ARHGAP8: variants seen among roughly 807,000 people sequenced by gnomAD.
The protein encoded by ARHGAP8 is rho GTPase-activating protein 8.
Under a neutral mutation model 46.1 loss-of-function variants are expected in ARHGAP8, and 62 were observed. That is an observed-to-expected ratio of 1.34 (90% confidence interval 1.10 to 1.66). ARHGAP8 has a LOEUF of 1.66. Among genes scored for constraint, ARHGAP8 ranks in the 40% most tolerant of loss-of-function variants. The pLI is 0.00. For missense variants in ARHGAP8, 923 were observed against 568.4 expected, an observed-to-expected ratio of 1.62 and a Z score of -6.34; for synonymous variants, 375 against 243.1, an observed-to-expected ratio of 1.54 and a Z score of -5.05.
At chr22:44,832,013 T>C (rs559030798) in intron 7 of ARHGAP8, among the ~76,000 whole-genome samples, 3 of 152,292 alleles carry the variant, frequency 2.0e-5, no homozygotes, top group East Asian at 1.9e-4. Flanking sequence ...GGGATTTCAA[T>C]AGGGCTTGTC....
chr22:44,798,065 C>T (rs1294053935), intron 2 of ARHGAP8, among the ~76,000 whole-genome samples: 2 of 151,648 alleles, frequency 1.3e-5, no homozygotes, highest in Non-Finnish European at 2.9e-5. Context: ...CAACCTCCAC[C>T]TCCCGAGTTC....
intron 1 of ARHGAP8, among the ~76,000 whole-genome samples, chr22:44,781,643 C>T (rs1238925496): frequency 1.3e-5 from 2 of 152,010 alleles, no homozygotes; most frequent in Admixed American, 6.6e-5. Flanking sequence ...CCTGCCTCAG[C>T]CCCCAAGTAG....
At chr22:44,824,935 G>T (rs1164181677) in intron 6 of ARHGAP8, among the ~76,000 whole-genome samples, 1 of 151,992 alleles carries the variant, frequency 6.6e-6, no homozygotes, top group African/African-American at 2.4e-5. Context: ...GCCGAGCACA[G>T]AGGTTCTTTT....
intron 1 of ARHGAP8, among the ~76,000 whole-genome samples, chr22:44,753,612 T>C (rs1368156104): frequency 3.0e-5 from 1 of 33,130 alleles, no homozygotes; most frequent in Non-Finnish European, 8.0e-5. Context: ...CTCAATCCTG[T>C]GGGGGGTGGG....
At chr22:44,771,859 A>G (rs1472285455) in intron 1 of ARHGAP8, among the ~76,000 whole-genome samples, 1 of 152,082 alleles carries the variant, frequency 6.6e-6, no homozygotes, top group African/African-American at 2.4e-5. Flanking sequence ...CTGGCCTGCA[A>G]ATAAATTTTT....
rs1927232909 is a variant in ARHGAP8, at chr22:44,786,345, A to T, written c.-71-112A>T. On this transcript the variant is annotated intron_variant, in intron 1 of 11. Coordinates refer to ENST00000356099, the MANE Select transcript of ARHGAP8 (RefSeq NM_181335.3). ...GGTGCACGGCTGAGGTAGGGCGCGT[A>T]GTGGGTGTGCAGCAGAGGTGGGTGA... 2.2e-6 allele frequency: 3 copies of T among 1,391,082 alleles called. No individual in the cohort carries two copies. The East Asian group carries it at 7.5e-5, about 35-fold the overall frequency. 86.2% of individuals were successfully genotyped at this position (1,391,082 alleles called of 1,614,324 possible). A position where few individuals can be genotyped will look rare whatever the true frequency, so the allele number is the denominator to read the frequency against.
chr22:44,776,179 A>C (rs1602158901), intron 1 of ARHGAP8, among the ~76,000 whole-genome samples: 1 of 152,138 alleles, frequency 6.6e-6, no homozygotes. Context: ...AGCCAGGCGC[A>C]GTGGCTCACA....
chr22:44,796,113 C>T (rs1192427710), intron 2 of ARHGAP8, among the ~76,000 whole-genome samples: 1 of 152,206 alleles, frequency 6.6e-6, no homozygotes, highest in African/African-American at 2.4e-5. Flanking sequence ...GTCCCAGTAG[C>T]CCAGGGAAGC....
intron 7 of ARHGAP8, among the ~76,000 whole-genome samples, chr22:44,836,869 T>TG (rs1354862370): frequency 6.6e-6 from 1 of 151,956 alleles, no homozygotes; most frequent in Non-Finnish European, 1.5e-5. Flanking sequence ...GTTTCTTTCT[T>TG]TCTTGTTTTG....
At chr22:44,770,972 G>GT (rs1413056240) in intron 1 of ARHGAP8, among the ~76,000 whole-genome samples, 1 of 152,214 alleles carries the variant, frequency 6.6e-6, no homozygotes, top group Admixed American at 6.5e-5. Context: ...CAGTTTGGAA[G>GT]TTAAAGGCAA....
chr22:44,861,914 TCA>T (rs765708499), intron 11 of ARHGAP8, among the ~76,000 whole-genome samples: 46 of 152,116 alleles, frequency 3.0e-4, no homozygotes, highest in South Asian at 1.5e-3. Context: ...AGTTCGCCAC[TCA>T]CAGAGCCGAG....
chr22:44,846,598 G>A (rs994345844), intron 8 of ARHGAP8, among the ~76,000 whole-genome samples: 7 of 152,268 alleles, frequency 4.6e-5, no homozygotes, highest in African/African-American at 9.6e-5. Context: ...GCCTGTCCCC[G>A]GCCTGGACTG....
In ARHGAP8 at chr22:44,772,809, C is replaced by CTTTT. The variant is rs5845668; in HGVS notation, c.-71-13631_-71-13628dup. ...CTTTGAATTTATTTTCTCTCTCCCACTTTTTTTTTTTTTTTTTTTTGAGAC... is the reference window on the plus strand; with the variant it reads ...CTTTGAATTTATTTTCTCTCTCCCACTTTTTTTTTTTTTTTTTTTTTTTTGAGAC... On this transcript the variant is annotated intron_variant, in intron 1 of 11. Coordinates refer to ENST00000356099, the MANE Select transcript of ARHGAP8 (RefSeq NM_181335.3). Among the ~76,000 whole-genome samples the CTTTT allele has an allele frequency of 6.2e-5, 7 of 113,004 alleles. 1 individual carries two copies. Among genetic ancestry groups the CTTTT allele is most frequent in the Non-Finnish European group, 1.0e-4 (6 of 58,012 alleles). 74.1% of individuals were successfully genotyped at this position (113,004 alleles called of 152,430 possible).
Position 44,845,341 on chromosome 22 carries a change from A to T in ARHGAP8, c.669A>T (p.Lys223Asn). 6.2e-7 allele frequency: 1 copy of T among 1,614,050 alleles called. No individual in the cohort carries two copies. The highest frequency in any genetic ancestry group is 8.5e-7 in the Non-Finnish European group (1 of 1,179,976). The change falls in exon 8 of 12, where the codon AAA becomes AAT. Residue 223 changes from lysine (K) to asparagine (N), a missense_variant and splice_region_variant. Physicochemically the swap from Lys to Asn is moderately conservative, Grantham distance 94 (BLOSUM62 0). Coordinates refer to ENST00000356099, the MANE Select transcript of ARHGAP8 (RefSeq NM_181335.3). ...LRFTVTYLRE[K>N]GLRTEGLFRR... ...TCACAGTGACGTACCTGAGAGAGAAAGGTGAGACGGGGCCGGCTCCAGCTG... is the reference window on the plus strand; with the variant it reads ...TCACAGTGACGTACCTGAGAGAGAATGGTGAGACGGGGCCGGCTCCAGCTG...
intron 1 of ARHGAP8, among the ~76,000 whole-genome samples, chr22:44,763,968 G>A (rs1925353550): frequency 6.6e-6 from 1 of 151,814 alleles, no homozygotes. Flanking sequence ...CCGCCACCAC[G>A]CCTGGCTAAT....
rs763123710 is a variant in ARHGAP8 at position 44,808,443 on chromosome 22, G to T, written c.299+5G>T. Reference sequence around the variant, plus strand: ...ATACAAGGAGTTCGATAGGAAGTACGTGCCCGCAAGCCTTCAGGGACGTGG... The same window carrying T: ...ATACAAGGAGTTCGATAGGAAGTACTTGCCCGCAAGCCTTCAGGGACGTGG... On this transcript the variant is annotated splice_donor_5th_base_variant and intron_variant, in intron 4 of 11. Transcript: ENST00000356099. 7 of 1,613,742 alleles carry T rather than the reference G, an allele frequency of 4.3e-6. No individual in the cohort carries two copies. Among genetic ancestry groups the T allele is most frequent in the Non-Finnish European group, 5.1e-6 (6 of 1,179,864 alleles).
At chr22:44,856,448 A>G (rs900891436) in intron 10 of ARHGAP8, among the ~76,000 whole-genome samples, 2 of 151,588 alleles carry the variant, frequency 1.3e-5, no homozygotes, top group African/African-American at 2.4e-5. Context: ...TAATTTTTGT[A>G]TTTTTAGTAG....
intron 7 of ARHGAP8, among the ~76,000 whole-genome samples, chr22:44,830,808 G>A (rs551903019): frequency 1.3e-5 from 2 of 151,904 alleles, no homozygotes; most frequent in Admixed American, 1.3e-4. Flanking sequence ...CAAAGTGCTG[G>A]GATTACAGGC....
chr22:44,814,627 C>G, intron 4 of ARHGAP8, 45 bp from the exon 5 acceptor site: 2 of 1,582,048 alleles, frequency 1.3e-6, no homozygotes, highest in Non-Finnish European at 1.7e-6. Context: ...TGGGGTGTTT[C>G]TCGGAGCGCG....
Sources: allele counts gnomAD v4.1 joint callset (sites outside exome capture counted in the v4.1 genomes callset), GRCh38; gene constraint gnomAD v4.1.1; transcripts MANE v1.5; gene names NCBI Gene and HGNC (gene_info 2026-07-23, HGNC 2026-07-21).